WWTR1: variants seen among roughly 807,000 people sequenced by gnomAD.
WWTR1 encodes the protein WW domain containing transcription regulator 1.
A neutral mutation model predicts 40.1 loss-of-function variants in WWTR1; 13 were observed. The ratio of observed to expected loss-of-function variants is 0.32; its 90% CI spans 0.21 to 0.52. The LOEUF (loss-of-function observed/expected upper bound fraction) is 0.52, where lower values mean the gene tolerates loss of function less well. Ranked by LOEUF, WWTR1 falls within the 20% of genes least tolerant of loss-of-function variation. The pLI, the probability that WWTR1 is intolerant of heterozygous loss-of-function variation, is 0.97. For missense variants in WWTR1, 436 were observed against 523.1 expected (o/e 0.83, Z 1.63); for synonymous variants, 230 against 210.1 (o/e 1.09, Z -0.82).
intron 2 of WWTR1, among the ~76,000 whole-genome samples, chr3:149,602,903 G>A (rs947140310): frequency 3.9e-5 from 6 of 151,958 alleles, no homozygotes; most frequent in South Asian, 2.1e-4. Context: ...CAAGTGATCC[G>A]CTTGCCTGGG....
chr3:149,716,738 G>A (rs1275692719), intron 5 of WWTR1, among the ~76,000 whole-genome samples: 1 of 151,984 alleles, frequency 6.6e-6, no homozygotes, highest in Non-Finnish European at 1.5e-5. Context: ...TTTCATAAGT[G>A]GATGGATGGC....
intron 2 of WWTR1, among the ~76,000 whole-genome samples, chr3:149,586,806 A>G (rs1738451249): frequency 6.6e-6 from 1 of 152,200 alleles, no homozygotes; most frequent in Admixed American, 6.5e-5. Context: ...ATCACCAGTG[A>G]TGAAATCAAT....
chr3:149,723,644 G>A (rs1172440879), intron 4 of WWTR1, among the ~76,000 whole-genome samples: 1 of 152,142 alleles, frequency 6.6e-6, no homozygotes, highest in Non-Finnish European at 1.5e-5. Context: ...TCACATACAT[G>A]TGGTTCATTT....
chr3:149,612,990 C>T (rs73868040), intron 2 of WWTR1, among the ~76,000 whole-genome samples: 2,839 of 152,304 alleles, frequency 0.019, 96 homozygotes, highest in African/African-American at 0.064. Flanking sequence ...CTTTAGAACA[C>T]GGTTCCAATG....
At chr3:149,536,401 A>G (rs1735834899) in intron 4 of WWTR1, among the ~76,000 whole-genome samples, 1 of 152,204 alleles carries the variant, frequency 6.6e-6, no homozygotes, top group Non-Finnish European at 1.5e-5. Flanking sequence ...GAAATAGCCT[A>G]CATTTATGCT....
At chr3:149,557,894 T>C (rs545759511) in intron 3 of WWTR1, among the ~76,000 whole-genome samples, 2 of 149,054 alleles carry the variant, frequency 1.3e-5, no homozygotes, top group South Asian at 4.3e-4. Flanking sequence ...TCTCTGCTAC[T>C]GGGGAGGCTG....
At chr3:149,628,271 G>A (rs895040131) in intron 2 of WWTR1, among the ~76,000 whole-genome samples, 4 of 152,186 alleles carry the variant, frequency 2.6e-5, no homozygotes, top group Non-Finnish European at 4.4e-5. Flanking sequence ...TCGGGAGGCT[G>A]AGGCAGGAGA....
At chr3:149,547,139 A>G (rs1031628765) in intron 3 of WWTR1, among the ~76,000 whole-genome samples, 7 of 152,126 alleles carry the variant, frequency 4.6e-5, no homozygotes, top group Non-Finnish European at 7.4e-5. Flanking sequence ...AGAGCATGGG[A>G]AGGCAAAACA....
chr3:149,570,451 C>A (rs956474336), intron 3 of WWTR1, among the ~76,000 whole-genome samples: 4 of 152,062 alleles, frequency 2.6e-5, no homozygotes, highest in Non-Finnish European at 5.9e-5. Context: ...TGCACATAGT[C>A]CCAGCTACTG....
At chr3:149,608,680 C>T (rs370032241) in intron 2 of WWTR1, among the ~76,000 whole-genome samples, 63 of 152,154 alleles carry the variant, frequency 4.1e-4, no homozygotes, top group Admixed American at 1.2e-3. Flanking sequence ...TGAGTCACCA[C>T]GCCAGGCCTA....
intron 1 of WWTR1, among the ~76,000 whole-genome samples, chr3:149,680,074 T>C (rs1425614384): frequency 2.0e-5 from 3 of 152,186 alleles, no homozygotes; most frequent in Admixed American, 2.0e-4. Flanking sequence ...AACCTCCTCA[T>C]AGATAAGGTG....
intron 2 of WWTR1, among the ~76,000 whole-genome samples, chr3:149,638,600 CTCTT>C (rs1278300489): frequency 6.6e-6 from 1 of 151,920 alleles, no homozygotes; most frequent in African/African-American, 2.4e-5. Flanking sequence ...TGTTTCCATT[CTCTT>C]TCTTTTTTCT....
At chr3:149,681,547 G>A (rs1714458562) in intron 1 of WWTR1, among the ~76,000 whole-genome samples, 1 of 152,134 alleles carries the variant, frequency 6.6e-6, no homozygotes, top group Non-Finnish European at 1.5e-5. Context: ...TTGCTGTTGA[G>A]TTGTGGGAGT....
intron 1 of WWTR1, among the ~76,000 whole-genome samples, chr3:149,684,483 T>C (rs1017117921): frequency 6.6e-6 from 1 of 152,092 alleles, no homozygotes; most frequent in African/African-American, 2.4e-5. Flanking sequence ...AATCAGTGTG[T>C]CTGGTAGCAC....
intron 6 of WWTR1, among the ~76,000 whole-genome samples, chr3:149,524,665 C>T (rs73867367): frequency 0.02 from 3,100 of 152,228 alleles, 111 homozygotes; most frequent in African/African-American, 0.071. Flanking sequence ...AAGATGACAA[C>T]CTACACGAAA....
chr3:149,632,150 G>A (rs759618883), intron 2 of WWTR1, among the ~76,000 whole-genome samples: 27 of 152,150 alleles, frequency 1.8e-4, no homozygotes, highest in Non-Finnish European at 3.4e-4. Flanking sequence ...GGGTTCAAGC[G>A]ATCTGCCTGG....
At chr3:149,708,547 A>G (rs967285123) in intron 5 of WWTR1, among the ~76,000 whole-genome samples, 1 of 152,180 alleles carries the variant, frequency 6.6e-6, no homozygotes, top group African/African-American at 2.4e-5. Context: ...CACTCTAGGT[A>G]TCTCATATAA....
chr3:149,704,879 G>A (rs982294168), upstream of WWTR1, among the ~76,000 whole-genome samples: 28 of 149,924 alleles, frequency 1.9e-4, no homozygotes, highest in African/African-American at 2.7e-4. Context: ...AACAAACAAC[G>A]AAAAACAAAA....
intron 2 of WWTR1, among the ~76,000 whole-genome samples, chr3:149,650,479 G>T (rs1712801174): frequency 2.6e-5 from 4 of 152,120 alleles, no homozygotes; most frequent in Admixed American, 2.6e-4. Context: ...AGGGTTAAAA[G>T]AAATAATATA....
Sources: allele counts gnomAD v4.1 joint callset (sites outside exome capture counted in the v4.1 genomes callset), GRCh38; gene constraint gnomAD v4.1.1; transcripts MANE v1.5; gene names NCBI Gene and HGNC (gene_info 2026-07-23, HGNC 2026-07-21).